Variants in JAKMIP2 observed in about 807,000 individuals in gnomAD.
JAKMIP2 encodes janus kinase and microtubule-interacting protein 2.
Under a neutral mutation model 115.0 loss-of-function variants are expected in JAKMIP2, and 25 were observed. The observed-to-expected ratio is 0.22, with a 90% CI of 0.16 to 0.30. The LOEUF is 0.30. Among genes scored for constraint, JAKMIP2 ranks in the 10% least tolerant of loss-of-function variants. The pLI, the probability that JAKMIP2 is intolerant of heterozygous loss-of-function variation, is 1.00. For missense variants in JAKMIP2, 642 were observed against 957.6 expected (o/e 0.67, Z 4.35); for synonymous variants, 334 against 343.6 (o/e 0.97, Z 0.31).
At chr5:147,728,526 A>C (rs1349938451) in intron 1 of JAKMIP2, among the ~76,000 whole-genome samples, 1 of 152,208 alleles carries the variant, frequency 6.6e-6, no homozygotes, top group African/African-American at 2.4e-5. Context: ...CAAATGAAAA[A>C]AACTTACACG....
intron 13 of JAKMIP2, among the ~76,000 whole-genome samples, chr5:147,632,053 C>A (rs1410777201): frequency 6.6e-6 from 1 of 152,110 alleles, no homozygotes; most frequent in East Asian, 1.9e-4. Flanking sequence ...TACACTGAAC[C>A]AGATCCTAAG....
chr5:147,720,009 G>T (rs1222597007), intron 1 of JAKMIP2, among the ~76,000 whole-genome samples: 1 of 151,900 alleles, frequency 6.6e-6, no homozygotes, highest in Non-Finnish European at 1.5e-5. Flanking sequence ...TCCATGTTTA[G>T]CGCTTCCTTC....
At chr5:147,667,098 G>A (rs1206377061) in intron 2 of JAKMIP2, among the ~76,000 whole-genome samples, 3 of 152,116 alleles carry the variant, frequency 2.0e-5, no homozygotes, top group Non-Finnish European at 2.9e-5. Context: ...AGTACGTATT[G>A]TGTTCTCTGG....
chr5:147,650,962 A>G (rs1267815455), intron 3 of JAKMIP2, among the ~76,000 whole-genome samples: 1 of 152,126 alleles, frequency 6.6e-6, no homozygotes, highest in African/African-American at 2.4e-5. Context: ...TTCAGATTCA[A>G]TCAAAATAGC....
At chr5:147,771,309 T>A (rs1445288855) in intron 1 of JAKMIP2, among the ~76,000 whole-genome samples, 2 of 151,962 alleles carry the variant, frequency 1.3e-5, no homozygotes, top group African/African-American at 4.8e-5. Flanking sequence ...TAATTATGAA[T>A]AAAATAAGAA....
intron 1 of JAKMIP2, among the ~76,000 whole-genome samples, chr5:147,691,363 G>C (rs1010296061): frequency 6.6e-6 from 1 of 152,022 alleles, no homozygotes; most frequent in Non-Finnish European, 1.5e-5. Flanking sequence ...CCCCCACCCA[G>C]CTCCTTCTGT....
intron 2 of JAKMIP2, chr5:147,662,010 ATAT>A (rs1759008993): frequency 6.6e-6 from 1 of 151,722 alleles, no homozygotes; most frequent in African/African-American, 2.4e-5. Flanking sequence ...GCCTCAAGTG[ATAT>A]TATTGAGCAT....
At chr5:147,606,905 T>C (rs1294219217) in intron 20 of JAKMIP2, among the ~76,000 whole-genome samples, 1 of 152,194 alleles carries the variant, frequency 6.6e-6, no homozygotes, top group Admixed American at 6.5e-5. Flanking sequence ...CCCACGTAAG[T>C]TGTATTCCTA....
intron 16 of JAKMIP2, among the ~76,000 whole-genome samples, chr5:147,624,773 A>G (rs1014882494): frequency 6.6e-6 from 1 of 152,156 alleles, no homozygotes; most frequent in African/African-American, 2.4e-5. Context: ...CTGAAGACAG[A>G]CTACCTTGGC....
At chr5:147,728,566 T>G (rs1378912460) in intron 1 of JAKMIP2, among the ~76,000 whole-genome samples, 1 of 152,218 alleles carries the variant, frequency 6.6e-6, no homozygotes, top group East Asian at 1.9e-4. Context: ...TGTGTATTTA[T>G]ATTTGTTGTG....
intron 1 of JAKMIP2, among the ~76,000 whole-genome samples, chr5:147,733,647 A>T (rs1438986413): frequency 6.6e-6 from 1 of 151,916 alleles, no homozygotes; most frequent in Non-Finnish European, 1.5e-5. Context: ...CCGGTGCGTG[A>T]TGTCCCCCTC....
chr5:147,710,907 C>G (rs1391865341), intron 1 of JAKMIP2, among the ~76,000 whole-genome samples: 1 of 152,116 alleles, frequency 6.6e-6, no homozygotes, highest in Non-Finnish European at 1.5e-5. Flanking sequence ...AGTAAAGTGT[C>G]TAGGTAACAA....
Position 147,601,730 on chromosome 5 carries a change from T to C in JAKMIP2, c.*20+11A>G, listed in dbSNP as rs1755711599. On this transcript the variant is annotated intron_variant, in intron 21 of 21. Transcript: ENST00000616793. Reference sequence around the variant, plus strand: ...TTAGAACCACATTTTGAGAATTAAATGGAATCTTACCTTTAAGAGGCACCT... The same window carrying C: ...TTAGAACCACATTTTGAGAATTAAACGGAATCTTACCTTTAAGAGGCACCT... The C allele has an allele frequency of 1.3e-6, 2 of 1,511,584 alleles. No homozygotes were observed. Among genetic ancestry groups the C allele is most frequent in the African/African-American group, 1.4e-5 (1 of 70,854 alleles). The allele number at this position is 1,511,584 out of a possible 1,614,324, so 93.6% of individuals were successfully genotyped here.
chr5:147,640,832 A>C lies in JAKMIP2; in HGVS notation c.1282-9T>G. The C allele has an allele frequency of 6.2e-7, 1 of 1,609,836 alleles. No homozygotes were observed. Among genetic ancestry groups the C allele is most frequent in the Non-Finnish European group, 8.5e-7 (1 of 1,178,716 alleles). On this transcript the variant is annotated splice_polypyrimidine_tract_variant and intron_variant, in intron 8 of 21. Transcript: ENST00000616793. ...GGGTCCAAAACAGGCCTCTAAATGG[A>C]GGGAAAGTACCTATTTACTGACATA...
At chr5:147,651,558 A>G (rs1453319727) in intron 3 of JAKMIP2, among the ~76,000 whole-genome samples, 2 of 148,590 alleles carry the variant, frequency 1.3e-5, no homozygotes, top group Admixed American at 6.8e-5. Context: ...TGCTTTTTCT[A>G]AAAGTGTCTC....
chr5:147,683,391 T>C (rs907370603), intron 1 of JAKMIP2, among the ~76,000 whole-genome samples: 4 of 152,146 alleles, frequency 2.6e-5, no homozygotes, highest in African/African-American at 9.6e-5. Flanking sequence ...ATTCGGAAGG[T>C]TGAGGCACGA....
In JAKMIP2 at chr5:147,644,204, T is replaced by G. The variant is rs755748479; in HGVS notation, c.1084-6A>C. The G allele has an allele frequency of 6.4e-7, 1 of 1,567,188 alleles. No individual in the cohort carries two copies. The highest frequency in any genetic ancestry group is 8.7e-7 in the Non-Finnish European group (1 of 1,148,938). ...TGGGATGTTATTTTTTCTCTCTGGA[T>G]TGGAAAAGAAGAAAGTACAGGTGGA... On this transcript the variant is annotated splice_region_variant and splice_polypyrimidine_tract_variant and intron_variant, in intron 6 of 21. Transcript: ENST00000616793.
chr5:147,659,672 G>A (rs4705188), intron 3 of JAKMIP2, among the ~76,000 whole-genome samples: 38,281 of 152,050 alleles, frequency 0.25, 6,081 homozygotes, highest in East Asian at 0.46. Flanking sequence ...TTACCTGCCA[G>A]CTCCAGAGTT....
intron 1 of JAKMIP2, among the ~76,000 whole-genome samples, chr5:147,719,696 G>T (rs1179192943): frequency 1.3e-5 from 2 of 150,286 alleles, no homozygotes; most frequent in East Asian, 3.9e-4. Flanking sequence ...TTTTCCATTT[G>T]CTTGGTAGAT....
Sources: allele counts gnomAD v4.1 joint callset (sites outside exome capture counted in the v4.1 genomes callset), GRCh38; gene constraint gnomAD v4.1.1; transcripts MANE v1.5; gene names NCBI Gene and HGNC (gene_info 2026-07-23, HGNC 2026-07-21).